The following RABGGTA variants were observed in gnomAD, a reference collection of about 807,000 sequenced individuals.
The protein encoded by RABGGTA is geranylgeranyl transferase type-2 subunit alpha.
Under a neutral mutation model 83.3 loss-of-function variants are expected in RABGGTA, and 69 were observed. The ratio of observed to expected loss-of-function variants is 0.83; its 90% confidence interval spans 0.68 to 1.01. The LOEUF (loss-of-function observed/expected upper bound fraction) is 1.01, where lower values mean the gene tolerates loss of function less well. RABGGTA is among the 50% of genes least tolerant of loss of function. RABGGTA has a pLI of 0.00. For synonymous variants in RABGGTA, 310 were observed against 299.8 expected (o/e 1.03, Z -0.35); for missense variants, 681 against 712.7 (o/e 0.96, Z 0.51).
chr14:24,269,263 G>A (rs2040914115), intron 6 of RABGGTA, 100 bp from the exon 7 acceptor site: 1 of 1,211,664 alleles, frequency 8.3e-7, no homozygotes, highest in African/African-American at 1.5e-5. Context: ...CCAGCCCCCA[G>A]TCTCACTTAT....
rs1352983510 is a variant in RABGGTA, at chr14:24,269,172, T to C, written c.632-9A>G. 1 of 1,607,542 alleles carries C rather than the reference T, an allele frequency of 6.2e-7. No homozygotes were observed. The highest frequency in any genetic ancestry group is 1.1e-5 in the South Asian group (1 of 89,736). On this transcript the variant is annotated splice_polypyrimidine_tract_variant and intron_variant, in intron 6 of 16. Coordinates refer to ENST00000216840, the MANE Select transcript of RABGGTA (RefSeq NM_182836.3). Reference sequence around the variant, plus strand: ...CTGCACCAGCTCCAGCTCTGTGGGGTTCCAGGAGGCATGGGGCTGTGGTCA... The same window carrying C: ...CTGCACCAGCTCCAGCTCTGTGGGGCTCCAGGAGGCATGGGGCTGTGGTCA...
intron 12 of RABGGTA, 51 bp downstream of exon 12, chr14:24,268,059 G>A (rs12886219): frequency 8.7e-6 from 14 of 1,607,364 alleles, no homozygotes; most frequent in Non-Finnish European, 1.2e-5. Flanking sequence ...CACTGGAAAG[G>A]GGTTTCCTCA....
At position 24,265,724 on chromosome 14, in the gene RABGGTA, C is replaced by A. The variant is rs937659961; in HGVS notation, c.1595G>T (p.Cys532Phe). 11 of 1,612,038 alleles carry A rather than the reference C, an allele frequency of 6.8e-6. No individual in the cohort carries two copies. Among genetic ancestry groups the A allele is most frequent in the Non-Finnish European group, 9.3e-6 (11 of 1,179,276 alleles). ...QPAVLQPLAS[C>F]PRLVLLNLQG... Reference sequence around the variant, plus strand: ...CAGGTTGAGGAGGACCAGCCTGGGGCAGGAGGCAAGAGGCTGGAGCACTGC... The same window carrying A: ...CAGGTTGAGGAGGACCAGCCTGGGGAAGGAGGCAAGAGGCTGGAGCACTGC... The change falls in exon 17 of 17, where the codon TGC (cysteine) becomes TTC (phenylalanine). Residue 532 changes from cysteine (C) to phenylalanine (F), a missense_variant. Cys to Phe is a radical substitution (Grantham distance 205). Transcript: ENST00000216840.
chr14:24,267,184 C>T (rs2281473), intron 14 of RABGGTA, among the ~76,000 whole-genome samples: 14,198 of 152,134 alleles, frequency 0.093, 1,070 homozygotes, highest in East Asian at 0.43. Context: ...ACTGGTCCCC[C>T]ATGGGGACTG....
chr14:24,269,911 G>C (rs2040923918), intron 5 of RABGGTA, 42 bp downstream of exon 5: 7 of 1,599,178 alleles, frequency 4.4e-6, no homozygotes, highest in Non-Finnish European at 6.0e-6. Context: ...ACCAGAATGT[G>C]GGCAGGTGAG....
At position 24,268,728 on chromosome 14, in the gene RABGGTA, G is replaced by C. The variant is rs188124827; in HGVS notation, c.897C>G (p.Val299=). 1.7e-5 allele frequency: 27 copies of C among 1,597,788 alleles called. No individual in the cohort carries two copies. The Admixed American group carries it at 3.5e-4, about 21-fold the overall frequency. Reference sequence around the variant, plus strand: ...TGCCCCACCAATCCTGGGATACCCAGACATGGCTGGGCCGGTTCCTGCCAT... The same window carrying C: ...TGCCCCACCAATCCTGGGATACCCACACATGGCTGGGCCGGTTCCTGCCAT... ...TPDGRNRPSH[V]WLCDLPAASL... The change falls in exon 9 of 17, where the codon GTC becomes GTG. Residue 299 remains valine (V), a synonymous_variant. Coordinates refer to ENST00000216840, the MANE Select transcript of RABGGTA (RefSeq NM_182836.3).
intron 9 of RABGGTA, 45 bp from the exon 10 acceptor site, chr14:24,268,664 T>A (rs768095277): frequency 6.2e-7 from 1 of 1,611,558 alleles, no homozygotes; most frequent in Admixed American, 1.7e-5. Context: ...AACCACTTTT[T>A]TGACTGTCCC....
intron 12 of RABGGTA, 26 bp from the exon 13 acceptor site, chr14:24,267,984 G>A: frequency 6.2e-7 from 1 of 1,609,636 alleles, no homozygotes; most frequent in Non-Finnish European, 8.5e-7. Context: ...GGAAAAGGAG[G>A]GTTTCTCTTG....
In RABGGTA at chr14:24,265,576, C is replaced by A; in HGVS notation, c.*39G>T. Reference sequence around the variant, plus strand: ...AGGGCCTCTCCATTCTTTATTCAGTCCCAATAAGTTAAAGGGCAAGGGTAG... The same window carrying A: ...AGGGCCTCTCCATTCTTTATTCAGTACCAATAAGTTAAAGGGCAAGGGTAG... On this transcript the variant is annotated 3_prime_UTR_variant, in exon 17 of 17. Transcript: ENST00000216840. 2 of 1,599,890 alleles carry A rather than the reference C, an allele frequency of 1.3e-6. No homozygotes were observed. Among genetic ancestry groups the A allele is most frequent in the South Asian group, 2.2e-5 (2 of 89,940 alleles).
rs768016666 is a variant in RABGGTA at position 24,266,419 on chromosome 14, AG to A, written c.1555+10del. On this transcript the variant is annotated intron_variant, in intron 16 of 16. Transcript: ENST00000216840. ...ACCCACTGTCTGAAAGGCACCCAGAAGGAAGGATACGGTTGTTGCACAGTAG... is the reference window on the plus strand; with the variant it reads ...ACCCACTGTCTGAAAGGCACCCAGAAGAAGGATACGGTTGTTGCACAGTAG... The A allele has an allele frequency of 6.2e-7, 1 of 1,613,740 alleles. No individual in the cohort carries two copies. The highest frequency in any genetic ancestry group is 8.5e-7 in the Non-Finnish European group (1 of 1,179,662).
chr14:24,267,516 T>C, intron 14 of RABGGTA, 144 bp downstream of exon 14: 2 of 650,086 alleles, frequency 3.1e-6, no homozygotes. Context: ...CAGAAAGGCC[T>C]GGAAGAGGAG....
In RABGGTA at chr14:24,265,659, G is replaced by A. The variant is rs2040864433; in HGVS notation, c.1660C>T (p.Gln554Ter). Residue 554 changes from glutamine (Q) to a stop codon, truncating the protein, a stop_gained, in exon 17 of 17, where the codon CAA becomes TAA. Coordinates refer to ENST00000216840, the MANE Select transcript of RABGGTA (RefSeq NM_182836.3). LOFTEE classifies it high-confidence loss of function. ...ACTGAAGGCAGCAGTTCAGCCAGTTGCTCCAAGATGCCCACCGCTTGGCAC... is the reference window on the plus strand; with the variant it reads ...ACTGAAGGCAGCAGTTCAGCCAGTTACTCCAAGATGCCCACCGCTTGGCAC... ...PLCQAVGILE[Q>*]LAELLPSVSS... is the part of the protein sequence containing the mutation. 6 of 1,613,580 alleles carry A rather than the reference G, an allele frequency of 3.7e-6. No homozygotes were observed. The highest frequency in any genetic ancestry group is 3.3e-5 in the Admixed American group (2 of 59,962).
intron 1 of RABGGTA, 95 bp from the exon 2 acceptor site, chr14:24,271,264 C>A: frequency 9.3e-7 from 1 of 1,078,124 alleles, no homozygotes. Context: ...CAGAGACCCC[C>A]AGAGTGTAAA....
Position 24,266,783 on chromosome 14 carries a change from C to G in RABGGTA, c.1460G>C (p.Cys487Ser). ...TLPPALAALR[C>S]LEVLQASDNA... ...GAGACATGGGTACTTTACCTCAAGGCAGCGCAGGGCAGCCAGTGCAGGTGG... is the reference window on the plus strand; with the variant it reads ...GAGACATGGGTACTTTACCTCAAGGGAGCGCAGGGCAGCCAGTGCAGGTGG... Residue 487 changes from cysteine (C) to serine (S), a missense_variant, in exon 15 of 17, where the codon TGC becomes TCC. Physicochemically the swap from Cys to Ser is moderately radical, Grantham distance 112. This residue lies in a region of RABGGTA where 421 missense variants were observed against 418.5 expected (regional missense o/e 1.01). Coordinates refer to ENST00000216840, the MANE Select transcript of RABGGTA (RefSeq NM_182836.3). 1 of 1,612,814 alleles carries G rather than the reference C, an allele frequency of 6.2e-7. No homozygotes were observed. Among genetic ancestry groups the G allele is most frequent in the Admixed American group, 1.7e-5 (1 of 60,026 alleles).
chr14:24,270,113 C>T lies in RABGGTA; in HGVS notation c.267G>A (p.Val89=). ...TCTCCAGGAAGCCCAGTTCTGCCTTCACCAGAGCAGCCAACTCTTCAGGAG... is the reference window on the plus strand; with the variant it reads ...TCTCCAGGAAGCCCAGTTCTGCCTTTACCAGAGCAGCCAACTCTTCAGGAG... The part of the protein sequence containing the change: ...QKSPEELAAL[V]KAELGFLESC... Residue 89 remains valine, a synonymous_variant, in exon 5 of 17, where the codon GTG becomes GTA. Transcript: ENST00000216840. The T allele has an allele frequency of 1.9e-6, 3 of 1,608,810 alleles. No individual in the cohort carries two copies. The highest frequency in any genetic ancestry group is 2.5e-6 in the Non-Finnish European group (3 of 1,177,712).
In RABGGTA at chr14:24,266,887, A is replaced by T; in HGVS notation, c.1356T>A (p.Asp452Glu). ...EVRVLHLAHK[D>E]LTVLCHLEQL... ...GTTCCAGATGGCAGAGCACTGTCAG[A>T]TCCTGGGGGGTGAAGGGAGGAAGGA... The change falls in exon 15 of 17, where the codon GAT becomes GAA. Residue 452 changes from aspartate to glutamate, a missense_variant and splice_region_variant. Physicochemically the swap from Asp to Glu is conservative, Grantham distance 45. Coordinates refer to ENST00000216840, the MANE Select transcript of RABGGTA (RefSeq NM_182836.3). 6.2e-7 allele frequency: 1 copy of T among 1,612,188 alleles called. No individual in the cohort carries two copies. Among genetic ancestry groups the T allele is most frequent in the Non-Finnish European group, 8.5e-7 (1 of 1,178,336 alleles).
At position 24,268,165 on chromosome 14, in the gene RABGGTA, C is replaced by T. The variant is rs370077003; in HGVS notation, c.1092G>A (p.Leu364=). 4.3e-6 allele frequency: 7 copies of T among 1,613,222 alleles called. No individual in the cohort carries two copies. The highest frequency in any genetic ancestry group is 4.2e-6 in the Non-Finnish European group (5 of 1,179,546). The change falls in exon 12 of 17, where the codon CTG becomes CTA. Residue 364 remains leucine, a synonymous_variant. Transcript: ENST00000216840. Reference sequence around the variant, plus strand: ...CCTTACAGGATTCCAGCTCAGACTGCAGCACTGTGGACTTCTCCACTGACA... The same window carrying T: ...CCTTACAGGATTCCAGCTCAGACTGTAGCACTGTGGACTTCTCCACTGACA... The part of the protein sequence containing the change: ...CELSVEKSTV[L]QSELESCKEL...
chr14:24,268,693 C>T lies in RABGGTA; in HGVS notation c.900+32G>A, dbSNP rs528916642. The T allele has an allele frequency of 1.5e-5, 24 of 1,586,478 alleles. 1 individual carries two copies. In the African/African-American group the frequency reaches 2.1e-4, roughly 14 times the overall value. On this transcript the variant is annotated intron_variant, in intron 9 of 16. Coordinates refer to ENST00000216840, the MANE Select transcript of RABGGTA (RefSeq NM_182836.3). Reference sequence around the variant, plus strand: ...CTGTCCCACCCAGCCCTGCCCCAGACCCCAACTTCTGCCCCACCAATCCTG... The same window carrying T: ...CTGTCCCACCCAGCCCTGCCCCAGATCCCAACTTCTGCCCCACCAATCCTG...
intron 3 of RABGGTA, 44 bp from the exon 4 acceptor site, chr14:24,270,502 A>G: frequency 3.1e-6 from 5 of 1,608,500 alleles, no homozygotes; most frequent in Non-Finnish European, 4.3e-6. Flanking sequence ...TAATTTTCCC[A>G]CTACAGGACT....
Sources: allele counts gnomAD v4.1 joint callset (sites outside exome capture counted in the v4.1 genomes callset), GRCh38; gene constraint gnomAD v4.1.1; regional missense constraint gnomAD v4.1.1; transcripts MANE v1.5; gene names NCBI Gene and HGNC (gene_info 2026-07-23, HGNC 2026-07-21).